Variants in ADGRB3 observed in about 807,000 individuals in gnomAD.
ADGRB3 encodes the protein adhesion G protein-coupled receptor B3, also known as brain-specific angiogenesis inhibitor 3.
ADGRB3 carries 37 observed loss-of-function variants against 193.4 expected under a neutral mutation model. The ratio of observed to expected loss-of-function variants is 0.19; its 90% CI spans 0.15 to 0.25. ADGRB3 has a LOEUF of 0.25. Among genes scored for constraint, ADGRB3 ranks in the 10% least tolerant of loss-of-function variants. The pLI is 1.00. For synonymous variants in ADGRB3, 690 were observed against 644.2 expected (o/e 1.07, Z -1.08); for missense variants, 1,637 against 1,852.9 (o/e 0.88, Z 2.14).
intron 3 of ADGRB3, among the ~76,000 whole-genome samples, chr6:68,720,386 T>C (rs1443186714): frequency 1.3e-5 from 2 of 151,752 alleles, no homozygotes; most frequent in African/African-American, 4.8e-5. Flanking sequence ...TTTTCATAAT[T>C]GTATTTTTTT....
At chr6:69,002,506 T>A (rs947680467) in intron 11 of ADGRB3, among the ~76,000 whole-genome samples, 1 of 152,116 alleles carries the variant, frequency 6.6e-6, no homozygotes, top group Non-Finnish European at 1.5e-5. Flanking sequence ...CATGAACCAC[T>A]GCGCCCAGCC....
intron 3 of ADGRB3, among the ~76,000 whole-genome samples, chr6:68,823,855 G>T (rs1282288077): frequency 1.3e-5 from 2 of 152,028 alleles, no homozygotes; most frequent in East Asian, 1.9e-4. Flanking sequence ...AACTTTGTCT[G>T]GTTTGTATAA....
At chr6:69,040,786 C>A (rs546867749) in intron 13 of ADGRB3, among the ~76,000 whole-genome samples, 1 of 141,172 alleles carries the variant, frequency 7.1e-6, no homozygotes, top group South Asian at 2.3e-4. Flanking sequence ...AAGGAATATG[C>A]AAAATAGCTA....
intron 3 of ADGRB3, among the ~76,000 whole-genome samples, chr6:68,797,042 T>A (rs1466682574): frequency 2.0e-5 from 3 of 152,170 alleles, no homozygotes; most frequent in Non-Finnish European, 4.4e-5. Flanking sequence ...AATGTCTACA[T>A]TTCCTTATCA....
At chr6:68,865,275 T>C (rs1001557923) in intron 3 of ADGRB3, among the ~76,000 whole-genome samples, 1 of 152,038 alleles carries the variant, frequency 6.6e-6, no homozygotes, top group Non-Finnish European at 1.5e-5. Context: ...TAATGAAAAG[T>C]CCAGTTCTGA....
At chr6:69,205,386 T>C (rs1183397878) in intron 17 of ADGRB3, among the ~76,000 whole-genome samples, 1 of 124,740 alleles carries the variant, frequency 8.0e-6, no homozygotes, top group East Asian at 2.0e-4. Flanking sequence ...TTCTGTAGAA[T>C]AAAAGACCTT....
chr6:68,726,249 A>G (rs989219798), intron 3 of ADGRB3, among the ~76,000 whole-genome samples: 5 of 151,664 alleles, frequency 3.3e-5, no homozygotes, highest in Non-Finnish European at 5.9e-5. Flanking sequence ...ACTCACTTAT[A>G]CCAGGGATAT....
intron 3 of ADGRB3, among the ~76,000 whole-genome samples, chr6:68,678,973 A>G (rs895363754): frequency 7.2e-5 from 11 of 152,206 alleles, no homozygotes; most frequent in African/African-American, 2.7e-4. Flanking sequence ...GCACACAAAT[A>G]CAAATGGTGG....
intron 20 of ADGRB3, among the ~76,000 whole-genome samples, chr6:69,305,724 A>G (rs1768054794): frequency 6.6e-6 from 1 of 151,124 alleles, no homozygotes; most frequent in Admixed American, 6.6e-5. Context: ...CATGGAAATA[A>G]TCCACACTGG....
intron 3 of ADGRB3, among the ~76,000 whole-genome samples, chr6:68,760,126 T>C (rs966946537): frequency 1.3e-5 from 2 of 152,236 alleles, no homozygotes; most frequent in South Asian, 4.1e-4. Context: ...GATCATTGTA[T>C]AATTTACATT....
chr6:68,813,862 T>C (rs915270079), intron 3 of ADGRB3, among the ~76,000 whole-genome samples: 14 of 152,244 alleles, frequency 9.2e-5, no homozygotes, highest in Admixed American at 3.9e-4. Context: ...CAGCTTCATC[T>C]ATGTCCCTAC....
At chr6:69,075,951 T>A (rs745921495) in intron 16 of ADGRB3, 44 bp from the exon 17 acceptor site, 16 of 1,428,776 alleles carry the variant, frequency 1.1e-5, no homozygotes, top group Non-Finnish European at 1.6e-5. Flanking sequence ...TCTTTTTATA[T>A]ATGTACTCAA....
intron 3 of ADGRB3, among the ~76,000 whole-genome samples, chr6:68,892,379 A>G (rs1766103462): frequency 6.6e-6 from 1 of 152,138 alleles, no homozygotes; most frequent in Admixed American, 6.6e-5. Flanking sequence ...TTCCTGGTCA[A>G]GGCCTTTGTG....
intron 17 of ADGRB3, among the ~76,000 whole-genome samples, chr6:69,098,336 G>A (rs1197754363): frequency 6.6e-6 from 1 of 152,312 alleles, no homozygotes; most frequent in Middle Eastern, 3.4e-3. Flanking sequence ...GAGAATGAGT[G>A]AAGCCACACT....
intron 3 of ADGRB3, among the ~76,000 whole-genome samples, chr6:68,886,034 T>G (rs1174337896): frequency 6.6e-6 from 1 of 152,084 alleles, no homozygotes; most frequent in Non-Finnish European, 1.5e-5. Context: ...CAAGGAAAAG[T>G]GAAGAGTCCT....
chr6:68,652,928 T>C (rs1768400299), intron 3 of ADGRB3, among the ~76,000 whole-genome samples: 1 of 152,134 alleles, frequency 6.6e-6, no homozygotes, highest in African/African-American at 2.4e-5. Flanking sequence ...ATAATTGAGA[T>C]GTCATGAATG....
chr6:69,287,070 G>A (rs2127289859), intron 20 of ADGRB3, among the ~76,000 whole-genome samples: 1 of 152,274 alleles, frequency 6.6e-6, no homozygotes, highest in Non-Finnish European at 1.5e-5. Context: ...ATCATATAAT[G>A]TTTTGTATTG....
chr6:69,032,752 C>T (rs1269324389), intron 13 of ADGRB3, among the ~76,000 whole-genome samples: 2 of 152,110 alleles, frequency 1.3e-5, no homozygotes, highest in Non-Finnish European at 2.9e-5. Context: ...GAAGACTGTG[C>T]TTTTATGTCA....
chr6:69,334,821 G>A (rs915786209), intron 24 of ADGRB3, among the ~76,000 whole-genome samples: 1 of 152,168 alleles, frequency 6.6e-6, no homozygotes, highest in South Asian at 2.1e-4. Flanking sequence ...TTTACTAGCT[G>A]TGTCTATGTG....
Sources: gnomAD v4.1 joint callset for allele counts (sites outside exome capture counted in the v4.1 genomes callset) on GRCh38, gnomAD v4.1.1 for gene constraint, MANE v1.5 for transcripts, NCBI Gene and HGNC (gene_info 2026-07-23, HGNC 2026-07-21) for gene names.